The following MYT1 variants were observed in gnomAD, a reference collection of about 807,000 sequenced individuals.
The protein encoded by MYT1 is myelin transcription factor I.
In MYT1, 23 loss-of-function variants were observed where a neutral mutation model predicts 123.0. That is an observed-to-expected ratio of 0.19 (90% CI 0.13 to 0.26). The LOEUF is 0.26. Among genes scored for constraint, MYT1 ranks in the 10% least tolerant of loss-of-function variants. The pLI is 1.00. For synonymous variants in MYT1, 518 were observed against 575.3 expected (o/e 0.90, Z 1.43); for missense variants, 1,125 against 1,472.5 (o/e 0.76, Z 3.86).
intron 11 of MYT1, 63 bp downstream of exon 11, chr20:64,217,344 A>C: frequency 1.3e-6 from 2 of 1,567,146 alleles, no homozygotes; most frequent in Non-Finnish European, 1.8e-6. Context: ...GCAGGATTCA[A>C]GGGGCAGTGG....
intron 7 of MYT1, 146 bp from the exon 8 acceptor site, chr20:64,211,060 C>A: frequency 1.1e-6 from 1 of 874,582 alleles, no homozygotes; most frequent in Non-Finnish European, 1.7e-6. Flanking sequence ...CCTGACTGTC[C>A]AGCCCCAGTC....
intron 8 of MYT1, 91 bp from the exon 9 acceptor site, chr20:64,211,957 T>C (rs551956497): frequency 1.3e-5 from 14 of 1,089,786 alleles, no homozygotes; most frequent in Non-Finnish European, 1.8e-5. Context: ...ACAAGGCTCC[T>C]GCACCCTCCT....
In MYT1 at chr20:64,196,317, T is replaced by C. The variant is rs1983118352; in HGVS notation, c.1-2545T>C. Among the ~76,000 whole-genome samples, 1 of 152,242 alleles carries C rather than the reference T, an allele frequency of 6.6e-6. No homozygotes were observed. The highest frequency in any genetic ancestry group is 2.4e-5 in the African/African-American group (1 of 41,464). ...TCACCAAGGTGAGCCTGGGTGGTGCTGGGCACAGGGCCGCCCCCAGCACCC... is the reference window on the plus strand; with the variant it reads ...TCACCAAGGTGAGCCTGGGTGGTGCCGGGCACAGGGCCGCCCCCAGCACCC... On this transcript the variant is annotated intron_variant, in intron 2 of 22. Transcript: ENST00000328439. This position sits in a 1 kb window ranked among gnomAD's most constrained non-coding sequence, Gnocchi z 4.3.
At chr20:64,230,642 A>G (rs1984294155) in intron 18 of MYT1, among the ~76,000 whole-genome samples, 1 of 152,252 alleles carries the variant, frequency 6.6e-6, no homozygotes, top group Admixed American at 6.5e-5. Flanking sequence ...GGTGTCCCCC[A>G]GGGTCCCATG....
At position 64,236,127 on chromosome 20, in the gene MYT1, G is replaced by C. The variant is rs113408598; in HGVS notation, c.2898-428G>C. Among the ~76,000 whole-genome samples the C allele has an allele frequency of 1.1e-4, 11 of 100,218 alleles. 2 individuals carry two copies. Among genetic ancestry groups the C allele is most frequent in the Admixed American group, 2.8e-4 (3 of 10,628 alleles). 65.7% of individuals were successfully genotyped at this position (100,218 alleles called of 152,430 possible). The stretch of plus-strand genomic sequence containing the variant: ...TGGGTGACCCTGGGCTGGCTGTGGT[G>C]GGTGACCCTGGGATGGTCGCGGTGG... On this transcript the variant is annotated intron_variant, in intron 19 of 22. Transcript: ENST00000328439.
chr20:64,217,030 C>T (rs1325157455), intron 10 of MYT1, 37 bp from the exon 11 acceptor site: 4 of 1,581,918 alleles, frequency 2.5e-6, no homozygotes, highest in African/African-American at 2.7e-5. Flanking sequence ...CCCCAGGTCC[C>T]ATCTCACTGG....
intron 15 of MYT1, 28 bp downstream of exon 15, chr20:64,223,201 C>T: frequency 6.2e-7 from 1 of 1,614,122 alleles, no homozygotes; most frequent in Non-Finnish European, 8.5e-7. Flanking sequence ...GTCCGTCTGG[C>T]CTGGGTGCTT....
rs771040062 is a variant in MYT1 at position 64,193,914 on chromosome 20, G to A, written c.-1+3754G>A. 5.3e-5 allele frequency among the ~76,000 whole-genome samples: 8 copies of A among 152,126 alleles called. No homozygotes were observed. The highest frequency in any genetic ancestry group is 1.9e-4 in the East Asian group (1 of 5,198). ...ATTTTAAATAAAATAAAACACTACC[G>A]TGTCTCCTTCTCTGGCCCAGCGCTG... On this transcript the variant is annotated intron_variant, in intron 2 of 22. Transcript: ENST00000328439. The surrounding 1 kb of genome is among the most constrained non-coding windows in gnomAD (Gnocchi z 4.0).
chr20:64,240,240 G>A, intron 22 of MYT1, 80 bp from the exon 23 acceptor site: 4 of 1,564,448 alleles, frequency 2.6e-6, no homozygotes, highest in Non-Finnish European at 3.5e-6. Flanking sequence ...GGGGACATAG[G>A]TTTGATGCTC....
intron 1 of MYT1, among the ~76,000 whole-genome samples, chr20:64,176,859 G>T (rs1296277801): frequency 6.6e-6 from 1 of 152,232 alleles, no homozygotes; most frequent in Non-Finnish European, 1.5e-5. Flanking sequence ...GGCAGCCGGG[G>T]ATGACAGGCC....
chr20:64,205,179 C>T, intron 5 of MYT1, 82 bp downstream of exon 5: 4 of 1,490,532 alleles, frequency 2.7e-6, no homozygotes, highest in Admixed American at 1.7e-5. Context: ...GAGAACTTTC[C>T]ATCTTTTTCC....
rs436515 is a variant in MYT1 at position 64,166,073 on chromosome 20, C to T, written c.-99+1334C>T. Among the ~76,000 whole-genome samples, 13 of 152,150 alleles carry T rather than the reference C, an allele frequency of 8.5e-5. No homozygotes were observed. Among genetic ancestry groups the T allele is most frequent in the Admixed American group, 4.6e-4 (7 of 15,296 alleles). On this transcript the variant is annotated intron_variant, in intron 1 of 22. Transcript: ENST00000328439. This position sits in a 1 kb window ranked among gnomAD's most constrained non-coding sequence, Gnocchi z 4.9. ...GAGGGAGGCTCCCCTCGGCCCCCAG[C>T]CTCCCTGCCACCCCGGGCTCCCCTC...
intron 4 of MYT1, among the ~76,000 whole-genome samples, chr20:64,201,947 T>TGTGTCGGGAACCC (rs1568708097): frequency 5.5e-4 from 17 of 30,836 alleles, no homozygotes; most frequent in African/African-American, 1.9e-3. Flanking sequence ...GTCGGGAACC[T>TGTGTCGGGAACCC]CTGCGTGTCG....
rs1982658635 is a variant in MYT1, at chr20:64,181,787, G to C, written c.-98-8276G>C. ...CTGGCAGTTCTCAGACTGCGGTGGG[G>C]ACCTCGCTTTGAACTTTGAGAGGCA... On this transcript the variant is annotated intron_variant, in intron 1 of 22. Coordinates refer to ENST00000328439, the MANE Select transcript of MYT1 (RefSeq NM_004535.3). Among the ~76,000 whole-genome samples, 5 of 152,210 alleles carry C rather than the reference G, an allele frequency of 3.3e-5. No individual in the cohort carries two copies. The South Asian group carries it at 1.0e-3, about 32-fold the overall frequency.
chr20:64,228,448 C>T (rs777276472), intron 18 of MYT1, among the ~76,000 whole-genome samples: 12 of 152,184 alleles, frequency 7.9e-5, no homozygotes, highest in Non-Finnish European at 1.5e-4. Context: ...TTGAGAGAGC[C>T]AGGAGGATCT....
At chr20:64,237,546 G>C (rs776759095) in intron 21 of MYT1, among the ~76,000 whole-genome samples, 156 bp downstream of exon 21, 4 of 152,274 alleles carry the variant, frequency 2.6e-5, no homozygotes, top group African/African-American at 9.6e-5. Context: ...CACTTAGGAC[G>C]TGCTGGCCGC....
chr20:64,236,991 A>G (rs1235697536), intron 20 of MYT1, among the ~76,000 whole-genome samples: 2 of 152,190 alleles, frequency 1.3e-5, no homozygotes, highest in African/African-American at 4.8e-5. Context: ...GCATTGCCTG[A>G]ACAAACTTCC....
chr20:64,227,621 C>A, intron 17 of MYT1, 144 bp downstream of exon 17: 1 of 870,852 alleles, frequency 1.1e-6, no homozygotes, highest in East Asian at 2.7e-5. Flanking sequence ...ATTTCCAGAA[C>A]CTGATTAAGT....
rs561878068 is a variant in MYT1 at position 64,236,382 on chromosome 20, G to T, written c.2898-173G>T. ...TGGCCGCGGTGGGTGACCCTGGGAT[G>T]GCCGTGGTGGGTGACCCTGGGCTGG... On this transcript the variant is annotated intron_variant, in intron 19 of 22. Transcript: ENST00000328439. Among the ~76,000 whole-genome samples the T allele has an allele frequency of 4.5e-3, 684 of 150,450 alleles. 3 individuals are homozygous for T. Among genetic ancestry groups the T allele is most frequent in the Middle Eastern group, 0.01 (3 of 288 alleles).
Sources: gnomAD v4.1 joint callset for allele counts (sites outside exome capture counted in the v4.1 genomes callset) on GRCh38, gnomAD v4.1.1 for gene constraint, Gnocchi (gnomAD v3.1) non-coding constraint, MANE v1.5 for transcripts, NCBI Gene and HGNC (gene_info 2026-07-23, HGNC 2026-07-21) for gene names.